RANBP9: variants seen among roughly 807,000 people sequenced by gnomAD.
RANBP9 encodes RAN binding protein 9, also known as ran-binding protein 9.
RANBP9 carries 15 observed loss-of-function variants against 84.3 expected under a neutral mutation model. The ratio of observed to expected loss-of-function variants is 0.18; its 90% CI spans 0.12 to 0.27. The LOEUF (loss-of-function observed/expected upper bound fraction) is 0.27. Among genes scored for constraint, RANBP9 ranks in the 10% least tolerant of loss-of-function variants. The pLI is 1.00. For synonymous variants in RANBP9, 392 were observed against 349.6 expected (o/e 1.12, Z -1.35); for missense variants, 809 against 912.8 (o/e 0.89, Z 1.46).
In RANBP9 at chr6:13,711,468, T is replaced by C; in HGVS notation, c.38A>G (p.Gln13Arg). ...CGGCGACAGCTGCTGCTGCTGTTGC[T>C]GCTGCTGCGGCGGCGGCGGCGGCGG... The part of the protein sequence containing the change: ...GQPPPPPPQQ[Q>R]QQQQQLSPPP... The change falls in exon 1 of 14, where the codon CAG (glutamine) becomes CGG (arginine). Residue 13 changes from glutamine (Q) to arginine (R), a missense_variant. By Grantham distance (43) the Gln-to-Arg change is conservative. Coordinates refer to ENST00000011619, the MANE Select transcript of RANBP9 (RefSeq NM_005493.3). 8.1e-7 allele frequency: 1 copy of C among 1,238,472 alleles called. No individual in the cohort carries two copies. Among genetic ancestry groups the C allele is most frequent in the Non-Finnish European group, 1.0e-6 (1 of 991,042 alleles). The allele number at this position is 1,238,472 out of a possible 1,614,324, so 76.7% of individuals were successfully genotyped here. A position where few individuals can be genotyped will look rare whatever the true frequency, so the allele number is the denominator to read the frequency against.
rs73358345 is a variant in RANBP9, at chr6:13,645,639, C to T, written c.928-910G>A. ...CAAGGTTAAATAACTTGCTCATGGT[C>T]GTTCTGCTAACAAATGGCAGAGATG... On this transcript the variant is annotated intron_variant, in intron 5 of 13. Coordinates refer to ENST00000011619, the MANE Select transcript of RANBP9 (RefSeq NM_005493.3). 5.3e-3 allele frequency among the ~76,000 whole-genome samples: 807 copies of T among 152,216 alleles called. 4 individuals are homozygous for T. Among genetic ancestry groups the T allele is most frequent in the African/African-American group, 0.018 (768 of 41,548 alleles).
rs191878432 is a variant in RANBP9, at chr6:13,698,940, T to C, written c.572-2044A>G. On this transcript the variant is annotated intron_variant, in intron 1 of 13. Transcript: ENST00000011619. ...TCGGGGATCACTTCACATATCCCCA[T>C]GTCCTATTCTGACTACTTCTACGGG... Among the ~76,000 whole-genome samples the C allele has an allele frequency of 7.4e-4, 113 of 152,342 alleles. 3 individuals are homozygous for C. Among genetic ancestry groups the C allele is most frequent in the African/African-American group, 2.6e-3 (107 of 41,590 alleles).
intron 12 of RANBP9, among the ~76,000 whole-genome samples, chr6:13,627,915 C>T (rs922236517): frequency 2.6e-5 from 4 of 152,062 alleles, no homozygotes; most frequent in Non-Finnish European, 4.4e-5. Flanking sequence ...ACCACCATGG[C>T]ACACGTTTAC....
At chr6:13,697,503 A>AT (rs1425922391) in intron 1 of RANBP9, among the ~76,000 whole-genome samples, 2 of 152,134 alleles carry the variant, frequency 1.3e-5, no homozygotes, top group South Asian at 4.1e-4. Context: ...TTCTAAACGT[A>AT]TTTTTTTCTT....
chr6:13,658,896 C>T, intron 2 of RANBP9, 64 bp from the exon 3 acceptor site: 1 of 1,442,112 alleles, frequency 6.9e-7, no homozygotes, highest in South Asian at 1.1e-5. Context: ...GTATAAATTA[C>T]CAAACAGTCT....
At chr6:13,632,118 C>CTTTTTTTTTTT (rs752500098) in intron 12 of RANBP9, among the ~76,000 whole-genome samples, 1 of 74,966 alleles carries the variant, frequency 1.3e-5, no homozygotes, top group Non-Finnish European at 2.6e-5. Flanking sequence ...GGATTTAATC[C>CTTTTTTTTTTT]TTTTTTTTTT....
At chr6:13,708,043 A>G (rs774736627) in intron 1 of RANBP9, among the ~76,000 whole-genome samples, 1 of 152,234 alleles carries the variant, frequency 6.6e-6, no homozygotes, top group Non-Finnish European at 1.5e-5. Flanking sequence ...CATGTCTAGT[A>G]TTATCTAACA....
At chr6:13,626,365 A>G (rs1208723604) in intron 12 of RANBP9, among the ~76,000 whole-genome samples, 2 of 152,108 alleles carry the variant, frequency 1.3e-5, no homozygotes, top group African/African-American at 4.8e-5. Context: ...TCTTCTTTCT[A>G]TGGGAGGCAC....
chr6:13,697,860 T>A (rs1757878207), intron 1 of RANBP9, among the ~76,000 whole-genome samples: 2 of 152,234 alleles, frequency 1.3e-5, no homozygotes, highest in African/African-American at 4.8e-5. Flanking sequence ...GTGTTCTAGT[T>A]AAATATGCTC....
chr6:13,646,900 G>A (rs1279942490), intron 5 of RANBP9, among the ~76,000 whole-genome samples: 1 of 152,144 alleles, frequency 6.6e-6, no homozygotes, highest in Non-Finnish European at 1.5e-5. Flanking sequence ...AACACATAAA[G>A]AGAAGCTTAA....
chr6:13,643,881 C>G (rs571135884), intron 6 of RANBP9, among the ~76,000 whole-genome samples: 3 of 152,256 alleles, frequency 2.0e-5, no homozygotes, highest in South Asian at 4.1e-4. Context: ...TCATGTCTCC[C>G]AATCACTTCC....
At chr6:13,710,813 G>A in intron 1 of RANBP9, 122 bp downstream of exon 1, 1 of 1,069,552 alleles carries the variant, frequency 9.3e-7, no homozygotes, top group Non-Finnish European at 1.3e-6. Flanking sequence ...AACAGGCGGC[G>A]AGTGGCCTCC....
At chr6:13,676,950 A>T (rs1005811641) in intron 2 of RANBP9, among the ~76,000 whole-genome samples, 2 of 152,200 alleles carry the variant, frequency 1.3e-5, no homozygotes, top group African/African-American at 4.8e-5. Context: ...TAAGACCAGG[A>T]AAAAGGCAGA....
At chr6:13,706,269 G>A (rs1406911358) in intron 1 of RANBP9, among the ~76,000 whole-genome samples, 5 of 151,956 alleles carry the variant, frequency 3.3e-5, no homozygotes, top group African/African-American at 1.2e-4. Context: ...GCGTGAACGC[G>A]GGAGGCGGAG....
intron 12 of RANBP9, among the ~76,000 whole-genome samples, chr6:13,626,171 T>C (rs1233322494): frequency 1.3e-5 from 2 of 152,190 alleles, no homozygotes; most frequent in African/African-American, 4.8e-5. Context: ...TCAACAGATT[T>C]AGGAACTGGA....
At chr6:13,657,935 C>T (rs1448121928) in intron 3 of RANBP9, among the ~76,000 whole-genome samples, 1 of 152,108 alleles carries the variant, frequency 6.6e-6, no homozygotes, top group East Asian at 1.9e-4. Context: ...CTTTAAGGTA[C>T]TTCATGTAGT....
intron 2 of RANBP9, among the ~76,000 whole-genome samples, chr6:13,692,598 T>C (rs543819784): frequency 7.4e-6 from 1 of 135,228 alleles, no homozygotes; most frequent in East Asian, 2.4e-4. Context: ...ACACCTGTAA[T>C]CCCAGCACTT....
chr6:13,696,457 A>G (rs1584947699), intron 2 of RANBP9, among the ~76,000 whole-genome samples: 1 of 152,214 alleles, frequency 6.6e-6, no homozygotes, highest in Non-Finnish European at 1.5e-5. Flanking sequence ...TACTAGTTTG[A>G]GAGGATTTAA....
intron 7 of RANBP9, 49 bp from the exon 8 acceptor site, chr6:13,641,356 A>C: frequency 8.6e-7 from 1 of 1,160,156 alleles, no homozygotes; most frequent in Non-Finnish European, 1.2e-6. Context: ...AAGTAGATAA[A>C]ACATAAACTT....
Sources: allele counts gnomAD v4.1 joint callset (sites outside exome capture counted in the v4.1 genomes callset), GRCh38; gene constraint gnomAD v4.1.1; transcripts MANE v1.5; gene names NCBI Gene and HGNC (gene_info 2026-07-23, HGNC 2026-07-21).